Variants in TXNDC12 observed in about 807,000 individuals in gnomAD.
TXNDC12 encodes the protein thioredoxin domain containing 12, also known as thioredoxin domain-containing protein 12.
Under a neutral mutation model 24.2 loss-of-function variants are expected in TXNDC12, and 22 were observed. That is an observed-to-expected ratio of 0.91 (90% CI 0.65 to 1.30). The LOEUF (loss-of-function observed/expected upper bound fraction) is 1.30. Ranked by LOEUF, TXNDC12 falls within the 50% of genes most tolerant of loss-of-function variation. TXNDC12 has a pLI of 0.00. For synonymous variants in TXNDC12, 58 were observed against 73.4 expected (o/e 0.79, Z 1.07); for missense variants, 184 against 205.8 (o/e 0.89, Z 0.65).
At position 52,045,195 on chromosome 1, in the gene TXNDC12, G is replaced by C. The variant is rs1409213298; in HGVS notation, c.98-3598C>G. 2.0e-5 allele frequency among the ~76,000 whole-genome samples: 3 copies of C among 152,260 alleles called. No individual in the cohort carries two copies. The East Asian group carries it at 5.8e-4, about 29-fold the overall frequency. On this transcript the variant is annotated intron_variant, in intron 1 of 6. Transcript: ENST00000371626. ...ACATAATTCCAATTACATGACATTG[G>C]AAAAAGCAAAATTATGGAGATAGTA...
chr1:52,024,500 T>G lies in TXNDC12; in HGVS notation c.355+10A>C, dbSNP rs370808707. On this transcript the variant is annotated intron_variant, in intron 5 of 6. Coordinates refer to ENST00000371626, the MANE Select transcript of TXNDC12 (RefSeq NM_015913.4). ...ATCATGGATTCCCAGGTTAAGATCA[T>G]GTGCCTTACCCAGAAAAAGGATTCG... The G allele has an allele frequency of 3.7e-6, 6 of 1,606,660 alleles. No homozygotes were observed. In the Admixed American group the frequency reaches 8.3e-5, roughly 22 times the overall value.
At chr1:52,040,566 C>T (rs1192559804) in intron 2 of TXNDC12, among the ~76,000 whole-genome samples, 1 of 152,060 alleles carries the variant, frequency 6.6e-6, no homozygotes, top group African/African-American at 2.4e-5. Context: ...TAGACTAATA[C>T]CTACATATAT....
chr1:52,033,382 C>T (rs769787346), intron 2 of TXNDC12: 3 of 1,613,514 alleles, frequency 1.9e-6, no homozygotes, highest in Non-Finnish European at 2.5e-6. Flanking sequence ...GACGTTCCGG[C>T]CAGGGTTCTC....
chr1:52,039,652 A>G (rs1310486603), intron 2 of TXNDC12, among the ~76,000 whole-genome samples: 1 of 152,190 alleles, frequency 6.6e-6, no homozygotes. Flanking sequence ...TTATACTGCG[A>G]TACGCAATAC....
intron 1 of TXNDC12, among the ~76,000 whole-genome samples, chr1:52,049,185 C>T (rs1686153910): frequency 1.3e-5 from 2 of 152,266 alleles, no homozygotes; most frequent in South Asian, 2.1e-4. Context: ...TCCAACACTC[C>T]AAGGTAGACC....
intron 1 of TXNDC12, among the ~76,000 whole-genome samples, chr1:52,043,057 C>CCGGCCCTTTCA (rs1553236469): frequency 6.6e-6 from 1 of 152,224 alleles, no homozygotes; most frequent in Non-Finnish European, 1.5e-5. Flanking sequence ...GCCACCGCAC[C>CCGGCCCTTTCA]CGGCCCTTTC....
chr1:52,049,756 T>C (rs1686163882), intron 1 of TXNDC12, among the ~76,000 whole-genome samples: 1 of 152,132 alleles, frequency 6.6e-6, no homozygotes, highest in South Asian at 2.1e-4. Flanking sequence ...CATGCTGGTT[T>C]TGAACTCCTG....
At chr1:52,032,781 C>T (rs753078607) in intron 2 of TXNDC12, 3 of 1,614,114 alleles carry the variant, frequency 1.9e-6, no homozygotes, top group East Asian at 2.2e-5. Context: ...TTTTAGTGTA[C>T]GAAATAAACT....
At chr1:52,023,595 C>T (rs771481726) in intron 5 of TXNDC12, 21 bp from the exon 6 acceptor site, 9 of 1,579,160 alleles carry the variant, frequency 5.7e-6, no homozygotes, top group Non-Finnish European at 7.0e-6. Context: ...CAAAATGACA[C>T]AGAGTTTTGC....
intron 2 of TXNDC12, chr1:52,032,884 A>G (rs1295780657): frequency 1.9e-6 from 3 of 1,613,910 alleles, no homozygotes; most frequent in Non-Finnish European, 2.5e-6. Flanking sequence ...GTCCCCGGGG[A>G]CAGCGCTCTT....
intron 3 of TXNDC12, among the ~76,000 whole-genome samples, chr1:52,028,274 T>C (rs766410304): frequency 1.3e-5 from 2 of 152,152 alleles, no homozygotes; most frequent in African/African-American, 2.4e-5. Flanking sequence ...CTAATTTGGG[T>C]CCTACTTCCT....
chr1:52,043,669 C>G (rs1463514114), intron 1 of TXNDC12, among the ~76,000 whole-genome samples: 1 of 152,160 alleles, frequency 6.6e-6, no homozygotes, highest in African/African-American at 2.4e-5. Flanking sequence ...TATAAATGAT[C>G]AGTAAGTAGT....
At chr1:52,054,476 C>T (rs180829335) in intron 1 of TXNDC12, among the ~76,000 whole-genome samples, 2 of 152,320 alleles carry the variant, frequency 1.3e-5, no homozygotes, top group Admixed American at 1.3e-4. Flanking sequence ...TGTTGGGGAC[C>T]CTTAAACAGC....
intron 2 of TXNDC12, chr1:52,033,750 C>T: frequency 6.3e-7 from 1 of 1,598,852 alleles, no homozygotes; most frequent in Non-Finnish European, 8.5e-7. Flanking sequence ...CGCAAAACAC[C>T]ACGAGCGGCA....
At chr1:52,022,663 G>A (rs924645772) in intron 6 of TXNDC12, among the ~76,000 whole-genome samples, 1 of 124,712 alleles carries the variant, frequency 8.0e-6, no homozygotes, top group Non-Finnish European at 1.6e-5. Context: ...TTTTGAGACA[G>A]AGTCTCGCTC....
chr1:52,032,638 CCA>C lies in TXNDC12; in HGVS notation c.159-4010_159-4009del, dbSNP rs962647067. The stretch of plus-strand genomic sequence containing the variant: ...TCTGGAGACCTGCAGCCTATTTTTC[CCA>C]GAGAAATAAAGTGGAGTGGAGATCA... On this transcript the variant is annotated intron_variant, in intron 2 of 6. Transcript: ENST00000371626. The C allele has an allele frequency of 2.0e-6, 3 of 1,531,278 alleles. No homozygotes were observed. The African/African-American group carries it at 4.2e-5, about 21-fold the overall frequency. 94.9% of individuals were successfully genotyped at this position (1,531,278 alleles called of 1,614,324 possible).
chr1:52,040,034 T>C (rs2992178), intron 2 of TXNDC12, among the ~76,000 whole-genome samples: 26,023 of 151,952 alleles, frequency 0.17, 2,840 homozygotes, highest in African/African-American at 0.31. Flanking sequence ...CGGGTTCAAG[T>C]GATTCTCTTG....
rs111920810 is a variant in TXNDC12 at position 52,046,563 on chromosome 1, C to T, written c.98-4966G>A. Among the ~76,000 whole-genome samples the T allele has an allele frequency of 2.5e-3, 381 of 152,126 alleles. 5 individuals carry two copies. The highest frequency in any genetic ancestry group is 8.9e-3 in the African/African-American group (371 of 41,476). The stretch of plus-strand genomic sequence containing the variant: ...GACAGTCCAAGGAGAAAAATTAGAT[C>T]GAATACATACAACTCTTTCAAAAAA... On this transcript the variant is annotated intron_variant, in intron 1 of 6. Transcript: ENST00000371626.
chr1:52,050,408 C>T (rs1177343563), intron 1 of TXNDC12, among the ~76,000 whole-genome samples: 2 of 152,198 alleles, frequency 1.3e-5, no homozygotes, highest in East Asian at 3.8e-4. Flanking sequence ...TCTCCCACAT[C>T]AGCAACTCTT....
Sources: gnomAD v4.1 joint callset for allele counts (sites outside exome capture counted in the v4.1 genomes callset) on GRCh38, gnomAD v4.1.1 for gene constraint, MANE v1.5 for transcripts, NCBI Gene and HGNC (gene_info 2026-07-23, HGNC 2026-07-21) for gene names.